The following TDRP variants were observed in gnomAD, a reference collection of about 807,000 sequenced individuals.
TDRP encodes testis development related protein, also known as testis development-related protein.
TDRP carries 12 observed loss-of-function variants against 10.5 expected under a neutral mutation model. The observed-to-expected ratio is 1.15, with a 90% CI of 0.73 to 1.86. TDRP has a LOEUF of 1.86. Ranked by LOEUF, TDRP falls within the 40% of genes most tolerant of loss-of-function variation. TDRP has a pLI of 0.00. For missense variants in TDRP, 353 were observed against 229.2 expected (o/e 1.54, Z -3.49); for synonymous variants, 139 against 95.4 (o/e 1.46, Z -2.67).
intron 1 of TDRP, among the ~76,000 whole-genome samples, chr8:502,924 G>A (rs920504742): frequency 6.1e-5 from 9 of 148,488 alleles, no homozygotes; most frequent in Non-Finnish European, 8.9e-5. Flanking sequence ...ACCTCAGCAC[G>A]TGTCAACATT....
At chr8:497,611 C>G (rs1584851971) in intron 1 of TDRP, among the ~76,000 whole-genome samples, 2 of 152,194 alleles carry the variant, frequency 1.3e-5, no homozygotes, top group Admixed American at 6.5e-5. Flanking sequence ...AAAAGAAAAC[C>G]CTTTCTGGGA....
At chr8:521,032 C>G (rs916427641) in intron 1 of TDRP, among the ~76,000 whole-genome samples, 4 of 151,998 alleles carry the variant, frequency 2.6e-5, no homozygotes, top group South Asian at 2.1e-4. Flanking sequence ...CCTTTTCTCC[C>G]GTTTTCTTCT....
At chr8:542,730 A>C (rs1802531847) in intron 1 of TDRP, among the ~76,000 whole-genome samples, 1 of 151,838 alleles carries the variant, frequency 6.6e-6, no homozygotes, top group African/African-American at 2.4e-5. Flanking sequence ...AGGCGTGGTG[A>C]CACATGCTCG....
chr8:526,513 G>A (rs562517063), intron 1 of TDRP, among the ~76,000 whole-genome samples: 7 of 152,222 alleles, frequency 4.6e-5, no homozygotes, highest in Non-Finnish European at 7.4e-5. Flanking sequence ...GATGTATCAC[G>A]TTGGTTGATT....
intron 1 of TDRP, among the ~76,000 whole-genome samples, chr8:506,418 T>C (rs1193156853): frequency 6.6e-6 from 1 of 152,176 alleles, no homozygotes; most frequent in Admixed American, 6.5e-5. Flanking sequence ...CAGGAGGAAC[T>C]GGACTTCAGC....
At chr8:532,670 A>C (rs17065116) in intron 1 of TDRP, among the ~76,000 whole-genome samples, 3,412 of 152,358 alleles carry the variant, frequency 0.022, 125 homozygotes, top group African/African-American at 0.075. Context: ...TTCTGAGTTT[A>C]GCATTAAGAC....
intron 1 of TDRP, among the ~76,000 whole-genome samples, chr8:507,738 G>C (rs1253875579): frequency 4.6e-5 from 7 of 152,120 alleles, no homozygotes; most frequent in Non-Finnish European, 1.0e-4. Context: ...AGCAACAATG[G>C]GAAAGGGGGA....
chr8:521,044 G>C (rs1181483320), intron 1 of TDRP, among the ~76,000 whole-genome samples: 1 of 151,888 alleles, frequency 6.6e-6, no homozygotes, highest in African/African-American at 2.4e-5. Context: ...TTTTCTTCTA[G>C]GAGTTTTATA....
chr8:532,122 A>G (rs1584881115), intron 1 of TDRP, among the ~76,000 whole-genome samples: 1 of 152,212 alleles, frequency 6.6e-6, no homozygotes, highest in Admixed American at 6.5e-5. Context: ...ACCTCTGGAC[A>G]CTGCTCTCAT....
chr8:499,016 A>G (rs1280309694), intron 1 of TDRP, among the ~76,000 whole-genome samples: 1 of 152,106 alleles, frequency 6.6e-6, no homozygotes, highest in Non-Finnish European at 1.5e-5. Flanking sequence ...TTTCTTTATA[A>G]ATTACCCAGT....
At chr8:540,609 G>A (rs992092266) in intron 1 of TDRP, among the ~76,000 whole-genome samples, 1 of 151,906 alleles carries the variant, frequency 6.6e-6, no homozygotes. Context: ...AAACCTTGCG[G>A]TTATATGTTA....
At chr8:519,894 A>T (rs1056778910) in intron 1 of TDRP, among the ~76,000 whole-genome samples, 1 of 152,208 alleles carries the variant, frequency 6.6e-6, no homozygotes, top group Non-Finnish European at 1.5e-5. Context: ...TCTGATCCGA[A>T]TCAGCATCTG....
rs1302428047 is a variant in TDRP, at chr8:492,379, C to T, written c.*20G>A. ...CATAAAAGGCCACCATGTCGGGGCA[C>T]ACTTGCCACGCAGCCCCCCTCACTC... On this transcript the variant is annotated 3_prime_UTR_variant, in exon 3 of 3. Transcript: ENST00000324079. 2 of 1,487,394 alleles carry T rather than the reference C, an allele frequency of 1.3e-6. No individual in the cohort carries two copies. Among genetic ancestry groups the T allele is most frequent in the East Asian group, 2.4e-5 (1 of 42,080 alleles). The allele number at this position is 1,487,394 out of a possible 1,614,324, so 92.1% of individuals were successfully genotyped here. A position where few individuals can be genotyped will look rare whatever the true frequency, so the allele number is the denominator to read the frequency against.
intron 1 of TDRP, among the ~76,000 whole-genome samples, chr8:522,638 G>A (rs1225985718): frequency 6.6e-6 from 1 of 152,166 alleles, no homozygotes; most frequent in Non-Finnish European, 1.5e-5. Flanking sequence ...CCCATGAAAT[G>A]CTTAAAAGGT....
At chr8:521,431 G>T (rs1229185485) in intron 1 of TDRP, among the ~76,000 whole-genome samples, 1 of 151,802 alleles carries the variant, frequency 6.6e-6, no homozygotes, top group Non-Finnish European at 1.5e-5. Flanking sequence ...AACAAAAAAA[G>T]ATACAACTTC....
At chr8:492,860 A>G in intron 2 of TDRP, 116 bp from the exon 3 acceptor site, 1 of 789,356 alleles carries the variant, frequency 1.3e-6, no homozygotes, top group Non-Finnish European at 1.9e-6. Context: ...GAAAACTAAC[A>G]CAAGTCTATA....
chr8:545,587 GC>G, upstream of TDRP: 1 of 152,292 alleles, frequency 6.6e-6, no homozygotes, highest in South Asian at 2.1e-4. Context: ...GGTGGAGGGG[GC>G]ACAGTCCGCG....
At chr8:494,680 G>T in intron 1 of TDRP, 83 bp from the exon 2 acceptor site, 1 of 1,246,258 alleles carries the variant, frequency 8.0e-7, no homozygotes, top group South Asian at 1.3e-5. Flanking sequence ...CCATGGAGTT[G>T]AAATTTAGAA....
At chr8:544,343 C>T (rs1802578851) in intron 1 of TDRP, among the ~76,000 whole-genome samples, 1 of 152,052 alleles carries the variant, frequency 6.6e-6, no homozygotes, top group Admixed American at 6.5e-5. Flanking sequence ...CCCCGAGTAA[C>T]ACGTGCAGGG....
Sources: allele counts gnomAD v4.1 joint callset (sites outside exome capture counted in the v4.1 genomes callset), GRCh38; gene constraint gnomAD v4.1.1; transcripts MANE v1.5; gene names NCBI Gene and HGNC (gene_info 2026-07-23, HGNC 2026-07-21).